CDK9: variants seen among roughly 807,000 people sequenced by gnomAD.
CDK9 encodes the protein cyclin-dependent kinase 9.
In CDK9, 34 loss-of-function variants were observed where a neutral mutation model predicts 39.0. That is an observed-to-expected ratio of 0.87 (90% CI 0.66 to 1.16). CDK9 has a LOEUF of 1.16. CDK9 is among the 50% of genes most tolerant of loss of function. The pLI is 0.00. For synonymous variants in CDK9, 233 were observed against 196.2 expected, an observed-to-expected ratio of 1.19 and a Z score of -1.57; for missense variants, 369 against 503.2, an observed-to-expected ratio of 0.73 and a Z score of 2.55.
At chr9:127,788,506 G>A (rs781192375) in intron 5 of CDK9, 38 bp from the exon 6 acceptor site, 7 of 1,532,434 alleles carry the variant, frequency 4.6e-6, no homozygotes, top group East Asian at 2.4e-5. Flanking sequence ...GGAGGCCCTC[G>A]GGCTCAAGGG....
At position 127,788,556 on chromosome 9, in the gene CDK9, A is replaced by G. The variant is rs775163113; in HGVS notation, c.617A>G (p.Tyr206Cys). The part of the protein sequence containing the change: ...PPELLLGERD[Y>C]GPPIDLWGAG... ...CTCTTCTTCCCAGGGGAGCGGGACT[A>G]CGGCCCCCCCATTGACCTGTGGGGT... The change falls in exon 6 of 7, where the codon TAC (tyrosine) becomes TGC (cysteine). Residue 206 changes from tyrosine to cysteine, a missense_variant. Transcript: ENST00000373264. 12 of 1,567,394 alleles carry G rather than the reference A, an allele frequency of 7.7e-6. No homozygotes were observed. The highest frequency in any genetic ancestry group is 9.5e-6 in the Non-Finnish European group (11 of 1,156,372).
intron 4 of CDK9, 28 bp from the exon 5 acceptor site, chr9:127,788,186 A>G: frequency 5.6e-6 from 9 of 1,613,532 alleles, no homozygotes; most frequent in Non-Finnish European, 5.9e-6. Context: ...GGATGTCACT[A>G]AAGGACCCAC....
In CDK9 at chr9:127,786,166, C is replaced by T; in HGVS notation, c.18C>T (p.Asp6=). Residue 6 remains aspartate, a synonymous_variant, in exon 1 of 7, where the codon GAC becomes GAT. Transcript: ENST00000373264. ...AGGCGGCCATGGCAAAGCAGTACGACTCGGTGGAGTGCCCTTTTTGTGATG... is the reference window on the plus strand; with the variant it reads ...AGGCGGCCATGGCAAAGCAGTACGATTCGGTGGAGTGCCCTTTTTGTGATG... MAKQY[D]SVECPFCDEV... is the part of the protein sequence containing the mutation. The T allele has an allele frequency of 6.2e-7, 1 of 1,608,686 alleles. No individual in the cohort carries two copies. The highest frequency in any genetic ancestry group is 8.5e-7 in the Non-Finnish European group (1 of 1,178,092).
Position 127,788,559 on chromosome 9 carries a change from G to C in CDK9, c.620G>C (p.Gly207Ala), listed in dbSNP as rs1829372214. The C allele has an allele frequency of 1.9e-6, 3 of 1,569,140 alleles. No individual in the cohort carries two copies. The highest frequency in any genetic ancestry group is 2.6e-6 in the Non-Finnish European group (3 of 1,157,414). Residue 207 changes from glycine to alanine, a missense_variant, in exon 6 of 7, where the codon GGC (glycine) becomes GCC (alanine). By Grantham distance (60) the Gly-to-Ala change is moderately conservative (BLOSUM62 0). Transcript: ENST00000373264. ...PELLLGERDY[G>A]PPIDLWGAGC... ...TTCTTCCCAGGGGAGCGGGACTACG[G>C]CCCCCCCATTGACCTGTGGGGTGCT...
Position 127,787,575 on chromosome 9 carries a change from G to T in CDK9, c.232G>T (p.Val78Leu). 5.6e-6 allele frequency: 9 copies of T among 1,613,480 alleles called. No homozygotes were observed. Among genetic ancestry groups the T allele is most frequent in the Non-Finnish European group, 7.6e-6 (9 of 1,179,408 alleles). The change falls in exon 3 of 7, where the codon GTG becomes TTG. Residue 78 changes from valine to leucine, a missense_variant. By Grantham distance (32) the Val-to-Leu change is conservative (BLOSUM62 1). Transcript: ENST00000373264. Reference protein sequence around the residue: ...KILQLLKHENVVNLIEICRTK... With the variant: ...KILQLLKHENLVNLIEICRTK... ...CCTTCAGCTTCTAAAACACGAGAAT[G>T]TGGTCAACTTGATTGAGATTTGTCG...
chr9:127,787,581 A>G lies in CDK9; in HGVS notation c.238A>G (p.Asn80Asp). 6.2e-7 allele frequency: 1 copy of G among 1,613,182 alleles called. No homozygotes were observed. Among genetic ancestry groups the G allele is most frequent in the Non-Finnish European group, 8.5e-7 (1 of 1,179,118 alleles). ...LQLLKHENVV[N>D]LIEICRTKAS... ...GCTTCTAAAACACGAGAATGTGGTCAACTTGATTGAGATTTGTCGAACCAA... is the reference window on the plus strand; with the variant it reads ...GCTTCTAAAACACGAGAATGTGGTCGACTTGATTGAGATTTGTCGAACCAA... The change falls in exon 3 of 7, where the codon AAC becomes GAC. Residue 80 changes from asparagine (N) to aspartate (D), a missense_variant. Asn to Asp is a conservative substitution (Grantham distance 23). Coordinates refer to ENST00000373264, the MANE Select transcript of CDK9 (RefSeq NM_001261.4).
intron 2 of CDK9, among the ~76,000 whole-genome samples, 167 bp downstream of exon 2, chr9:127,786,949 C>T (rs775950469): frequency 1.3e-5 from 2 of 152,168 alleles, no homozygotes; most frequent in Non-Finnish European, 2.9e-5. Flanking sequence ...ATGTTTCATT[C>T]TTAGGCAGTT....
chr9:127,787,389 G>T (rs1185639674), intron 2 of CDK9, 129 bp from the exon 3 acceptor site: 3 of 622,004 alleles, frequency 4.8e-6, no homozygotes, highest in African/African-American at 3.7e-5. Flanking sequence ...TATAGACAAG[G>T]CTTCTGAGAC....
At position 127,788,613 on chromosome 9, in the gene CDK9, G is replaced by A. The variant is rs750537619; in HGVS notation, c.674G>A (p.Arg225His). The A allele has an allele frequency of 5.0e-6, 8 of 1,604,368 alleles. No homozygotes were observed. Among genetic ancestry groups the A allele is most frequent in the East Asian group, 4.5e-5 (2 of 44,592 alleles). ...TGCATCATGGCAGAGATGTGGACCC[G>A]CAGCCCCATCATGCAGGGCAACACG... ...AGCIMAEMWT[R>H]SPIMQGNTEQ... The change falls in exon 6 of 7, where the codon CGC becomes CAC. Residue 225 changes from arginine to histidine, a missense_variant. Coordinates refer to ENST00000373264, the MANE Select transcript of CDK9 (RefSeq NM_001261.4).
At position 127,790,751 on chromosome 9, in the gene CDK9, C is replaced by G. The variant is rs78857012; in HGVS notation, c.*1208C>G. On this transcript the variant is annotated 3_prime_UTR_variant, in exon 7 of 7. Coordinates refer to ENST00000373264, the MANE Select transcript of CDK9 (RefSeq NM_001261.4). ...TGTCCTTCATTTACAGAAACTGACC[C>G]AGACCACAACACAAAAGGCCAGTAA... 1 of 151,732 alleles carries G rather than the reference C, an allele frequency of 6.6e-6. No individual in the cohort carries two copies. Among genetic ancestry groups the G allele is most frequent in the African/African-American group, 2.4e-5 (1 of 41,384 alleles). The allele number at this position is 151,732 out of a possible 1,614,324, so 9.4% of individuals were successfully genotyped here. A position where few individuals can be genotyped will look rare whatever the true frequency, so the allele number is the denominator to read the frequency against.
chr9:127,787,472 C>G, intron 2 of CDK9, 46 bp from the exon 3 acceptor site: 1 of 1,370,062 alleles, frequency 7.3e-7, no homozygotes, highest in Non-Finnish European at 1.0e-6. Context: ...GGGCTGGGCT[C>G]TGTACTGCGC....
At chr9:127,787,640 A>T (rs374516629) in intron 3 of CDK9, 32 bp downstream of exon 3, 3 of 1,477,598 alleles carry the variant, frequency 2.0e-6, no homozygotes. Context: ...AGAAGATGAC[A>T]CTTGTAGCCT....
At chr9:127,786,858 C>T in intron 2 of CDK9, 76 bp downstream of exon 2, 1 of 1,159,414 alleles carries the variant, frequency 8.6e-7, no homozygotes, top group South Asian at 1.3e-5. Flanking sequence ...CCTGCTGCTT[C>T]TGGGAGTCTC....
Position 127,789,069 on chromosome 9 carries a change from G to T in CDK9, c.754-109G>T, listed in dbSNP as rs1239026320. On this transcript the variant is annotated intron_variant, in intron 6 of 6. Coordinates refer to ENST00000373264, the MANE Select transcript of CDK9 (RefSeq NM_001261.4). The surrounding 1 kb of genome is among the most constrained non-coding windows in gnomAD (Gnocchi z 5.2). ...TGGGAGGGGTCGAGTAGCAGTCTGG[G>T]AGCCTCCGAGTGGAGCAGGTATTTT... The T allele has an allele frequency of 7.2e-7, 1 of 1,392,652 alleles. No homozygotes were observed. The highest frequency in any genetic ancestry group is 9.6e-7 in the Non-Finnish European group (1 of 1,038,224). 86.3% of individuals were successfully genotyped at this position (1,392,652 alleles called of 1,614,324 possible). A position where few individuals can be genotyped will look rare whatever the true frequency, so the allele number is the denominator to read the frequency against.
chr9:127,788,993 G>A (rs1829381970), intron 6 of CDK9, among the ~76,000 whole-genome samples, 185 bp from the exon 7 acceptor site: 1 of 152,314 alleles, frequency 6.6e-6, no homozygotes, highest in East Asian at 1.9e-4. Context: ...GGTGATGTGG[G>A]TGGAAGGACC....
chr9:127,788,750 G>T, intron 6 of CDK9, 58 bp downstream of exon 6: 1 of 1,491,134 alleles, frequency 6.7e-7, no homozygotes, highest in Non-Finnish European at 9.0e-7. Flanking sequence ...CAGAGGAGGA[G>T]TGGGGAGTAG....
Position 127,787,628 on chromosome 9 carries a change from C to A in CDK9, c.265+20C>A, listed in dbSNP as rs200917975. ...CCAAAGGTAAGTTATTTGGTTCTTA[C>A]GAGAAGATGACACTTGTAGCCTAAG... On this transcript the variant is annotated intron_variant, in intron 3 of 6. Transcript: ENST00000373264. 1.9e-6 allele frequency: 3 copies of A among 1,545,260 alleles called. No individual in the cohort carries two copies. Among genetic ancestry groups the A allele is most frequent in the Non-Finnish European group, 2.7e-6 (3 of 1,117,252 alleles).
intron 1 of CDK9, among the ~76,000 whole-genome samples, 154 bp downstream of exon 1, chr9:127,786,394 A>G (rs1180698126): frequency 2.0e-5 from 3 of 151,810 alleles, no homozygotes; most frequent in African/African-American, 7.3e-5. Context: ...CCCCGGCCTG[A>G]CGGAGCCGGC....
In CDK9 at chr9:127,786,058, C is replaced by T; in HGVS notation, c.-91C>T. ...CGTGGAGGCGGAAGTGGCGCGGCCGCGGAGGGGCCTGGAGTGCGGCGGCGG... is the reference window on the plus strand; with the variant it reads ...CGTGGAGGCGGAAGTGGCGCGGCCGTGGAGGGGCCTGGAGTGCGGCGGCGG... On this transcript the variant is annotated 5_prime_UTR_variant, in exon 1 of 7. Transcript: ENST00000373264. 2 of 799,098 alleles carry T rather than the reference C, an allele frequency of 2.5e-6. No individual in the cohort carries two copies. The highest frequency in any genetic ancestry group is 3.5e-6 in the Non-Finnish European group (2 of 565,076). 49.5% of individuals were successfully genotyped at this position (799,098 alleles called of 1,614,324 possible).
Sources: gnomAD v4.1 joint callset for allele counts (sites outside exome capture counted in the v4.1 genomes callset) on GRCh38, gnomAD v4.1.1 for gene constraint, Gnocchi (gnomAD v3.1) non-coding constraint, MANE v1.5 for transcripts, NCBI Gene and HGNC (gene_info 2026-07-23, HGNC 2026-07-21) for gene names.